The following EPHX1 variants were observed in gnomAD, a reference collection of about 807,000 sequenced individuals.
EPHX1 encodes the protein epoxide hydrolase 1.
In EPHX1, 40 loss-of-function variants were observed where a neutral mutation model predicts 43.2. The observed-to-expected ratio is 0.93, with a 90% CI of 0.72 to 1.21. The LOEUF (loss-of-function observed/expected upper bound fraction) is 1.21. Ranked by LOEUF, EPHX1 falls within the 50% of genes most tolerant of loss-of-function variation. The pLI, the probability that EPHX1 is intolerant of heterozygous loss-of-function variation, is 0.00. For synonymous variants in EPHX1, 221 were observed against 226.7 expected (o/e 0.98, Z 0.22); for missense variants, 550 against 570.4 (o/e 0.96, Z 0.36).
At chr1:225,831,502 A>ACG (rs1371348886) in intron 2 of EPHX1, among the ~76,000 whole-genome samples, 1 of 151,776 alleles carries the variant, frequency 6.6e-6, no homozygotes, top group Non-Finnish European at 1.5e-5. Flanking sequence ...GGCCGAGATC[A>ACG]CGCCACTGCC....
intron 5 of EPHX1, among the ~76,000 whole-genome samples, chr1:225,839,574 G>A (rs1668217303): frequency 6.6e-6 from 1 of 152,094 alleles, no homozygotes; most frequent in South Asian, 2.1e-4. Flanking sequence ...CCTGTGATAG[G>A]AGGGGAAGGT....
chr1:225,821,359 C>T (rs1666970692), intron 1 of EPHX1, among the ~76,000 whole-genome samples: 1 of 151,832 alleles, frequency 6.6e-6, no homozygotes, highest in Non-Finnish European at 1.5e-5. Flanking sequence ...GATTCTTCTG[C>T]CTCAGCCTCC....
chr1:225,834,105 A>C (rs1218364551), intron 3 of EPHX1, among the ~76,000 whole-genome samples: 1 of 79,048 alleles, frequency 1.3e-5, no homozygotes, highest in African/African-American at 4.8e-5. Flanking sequence ...CTCAAAAAAA[A>C]AAAAAAGAAA....
At position 225,819,226 on chromosome 1, in the gene EPHX1, CA is replaced by C. The variant is rs1302566204; in HGVS notation, c.-6+9078del. On this transcript the variant is annotated intron_variant, in intron 1 of 8. Coordinates refer to ENST00000272167, the MANE Select transcript of EPHX1 (RefSeq NM_001136018.4). ...TGGGCGACAGAGCGAGACTCCGTCT[CA>C]AAAAAAAAAAAAAAAAAAAATACAA... is the stretch of plus-strand genomic sequence containing the variant. 3.6e-3 allele frequency among the ~76,000 whole-genome samples: 16 copies of C among 4,502 alleles called. 2 individuals carry two copies. The highest frequency in any genetic ancestry group is 7.8e-3 in the African/African-American group (10 of 1,280). The allele number at this position is 4,502 out of a possible 152,430, so 3.0% of individuals were successfully genotyped here.
Position 225,830,995 on chromosome 1 carries a change from A to G in EPHX1, c.184-784A>G, listed in dbSNP as rs577055755. On this transcript the variant is annotated intron_variant, in intron 2 of 8. Coordinates refer to ENST00000272167, the MANE Select transcript of EPHX1 (RefSeq NM_001136018.4). The stretch of plus-strand genomic sequence containing the variant: ...AGCAGTCAGATTTCAGTGTCCATAA[A>G]TTTTTATTGGAACACAGCCACCCCC... Among the ~76,000 whole-genome samples the G allele has an allele frequency of 2.6e-5, 4 of 152,334 alleles. No homozygotes were observed. In the East Asian group the frequency reaches 5.8e-4, roughly 22 times the overall value.
intron 6 of EPHX1, chr1:225,840,859 T>G (rs1296312425): frequency 6.6e-6 from 1 of 152,296 alleles, no homozygotes; most frequent in Admixed American, 6.5e-5. Flanking sequence ...GGCAAACCCA[T>G]GCCCACACAC....
intron 1 of EPHX1, among the ~76,000 whole-genome samples, chr1:225,815,042 C>G (rs893020226): frequency 3.6e-4 from 55 of 152,314 alleles, no homozygotes; most frequent in East Asian, 7.7e-4. Context: ...GTGGCAGGAC[C>G]TGTTTGCTGC....
chr1:225,815,115 A>AAGGTTTCACTGTGTTGCCCAG (rs1559014984), intron 1 of EPHX1, among the ~76,000 whole-genome samples: 4 of 140,392 alleles, frequency 2.8e-5, no homozygotes, highest in Admixed American at 1.4e-4. Flanking sequence ...GTCGGGGCAC[A>AAGGTTTCACTGTGTTGCCCAG]GCCACCAGGT....
intron 2 of EPHX1, 57 bp from the exon 3 acceptor site, chr1:225,831,722 C>A: frequency 6.4e-7 from 1 of 1,570,968 alleles, no homozygotes; most frequent in Non-Finnish European, 8.8e-7. Flanking sequence ...ACAGACTTTG[C>A]TCTTGTGCTC....
At position 225,823,401 on chromosome 1, in the gene EPHX1, G is replaced by T. The variant is rs759925593; in HGVS notation, c.-5-5324G>T. On this transcript the variant is annotated intron_variant, in intron 1 of 8. Transcript: ENST00000272167. ...CAAAGGTTGTCAGAGTTGCTGTTTT[G>T]CAGGGAGCCATGGGATGGGGAGTCT... Among the ~76,000 whole-genome samples, 55 of 152,270 alleles carry T rather than the reference G, an allele frequency of 3.6e-4. 1 individual carries two copies. The Middle Eastern group carries it at 0.014, about 38-fold the overall frequency.
intron 1 of EPHX1, among the ~76,000 whole-genome samples, chr1:225,827,075 A>C (rs1667283544): frequency 6.6e-6 from 1 of 152,172 alleles, no homozygotes; most frequent in South Asian, 2.1e-4. Flanking sequence ...TATTTCATAG[A>C]ACGACCCCCA....
rs904419681 is a variant in EPHX1, at chr1:225,817,317, C to T, written c.-6+7148C>T. Reference sequence around the variant, plus strand: ...GCTTCAGGATGGCTTTTGGGAAGCCCCTGGGAGCCCCAAGGCTTGGGTAGC... The same window carrying T: ...GCTTCAGGATGGCTTTTGGGAAGCCTCTGGGAGCCCCAAGGCTTGGGTAGC... On this transcript the variant is annotated intron_variant, in intron 1 of 8. Transcript: ENST00000272167. The surrounding 1 kb of genome is among the most constrained non-coding windows in gnomAD (Gnocchi z 5.7). Among the ~76,000 whole-genome samples, 3 of 152,198 alleles carry T rather than the reference C, an allele frequency of 2.0e-5. No individual in the cohort carries two copies. Among genetic ancestry groups the T allele is most frequent in the Non-Finnish European group, 2.9e-5 (2 of 68,030 alleles).
chr1:225,845,490 C>A lies in EPHX1; in HGVS notation c.*143C>A. ...GCCCACGCTCACCCCCTCACCCCTCCAAGCTCACTCCCCAACCCCCAACTC... is the reference window on the plus strand; with the variant it reads ...GCCCACGCTCACCCCCTCACCCCTCAAAGCTCACTCCCCAACCCCCAACTC... On this transcript the variant is annotated 3_prime_UTR_variant, in exon 9 of 9. Coordinates refer to ENST00000272167, the MANE Select transcript of EPHX1 (RefSeq NM_001136018.4). 1.3e-6 allele frequency: 1 copy of A among 786,032 alleles called. No individual in the cohort carries two copies. Among genetic ancestry groups the A allele is most frequent in the Non-Finnish European group, 2.0e-6 (1 of 487,990 alleles). 48.7% of individuals were successfully genotyped at this position (786,032 alleles called of 1,614,324 possible). A position where few individuals can be genotyped will look rare whatever the true frequency, so the allele number is the denominator to read the frequency against.
At chr1:225,821,360 C>G (rs1168408007) in intron 1 of EPHX1, among the ~76,000 whole-genome samples, 1 of 151,850 alleles carries the variant, frequency 6.6e-6, no homozygotes, top group Non-Finnish European at 1.5e-5. Flanking sequence ...ATTCTTCTGC[C>G]TCAGCCTCCC....
At chr1:225,839,367 G>GTA (rs1553485986) in intron 5 of EPHX1, 21 bp downstream of exon 5, 3 of 251,412 alleles carry the variant, frequency 1.2e-5, no homozygotes, top group Non-Finnish European at 1.8e-5. Flanking sequence ...TGTTGGGGTG[G>GTA]TGTGTGTGTG....
intron 1 of EPHX1, among the ~76,000 whole-genome samples, chr1:225,828,515 A>G (rs1667383568): frequency 6.7e-6 from 1 of 148,868 alleles, no homozygotes; most frequent in African/African-American, 2.4e-5. Flanking sequence ...ATTTTTCTAG[A>G]TCATATATAT....
chr1:225,826,469 A>AG (rs56092721), intron 1 of EPHX1, among the ~76,000 whole-genome samples: 6 of 149,626 alleles, frequency 4.0e-5, no homozygotes, highest in Middle Eastern at 3.4e-3. Flanking sequence ...AAAAAAAAAA[A>AG]GGGAAAGCAA....
At chr1:225,839,371 GTGT>G in intron 5 of EPHX1, 25 bp downstream of exon 5, 1 of 1,163,330 alleles carries the variant, frequency 8.6e-7, no homozygotes. Context: ...GGGGTGGTGT[GTGT>G]GTGTGTGTGT....
intron 3 of EPHX1, among the ~76,000 whole-genome samples, chr1:225,837,567 G>T (rs1668033842): frequency 6.6e-6 from 1 of 152,194 alleles, no homozygotes; most frequent in African/African-American, 2.4e-5. Context: ...GCCCAGGCTG[G>T]AGTGTGGTGG....
Sources: allele counts gnomAD v4.1 joint callset (sites outside exome capture counted in the v4.1 genomes callset), GRCh38; gene constraint gnomAD v4.1.1; non-coding constraint Gnocchi (gnomAD v3.1); transcripts MANE v1.5; gene names NCBI Gene and HGNC (gene_info 2026-07-23, HGNC 2026-07-21).